The following GABRG2 variants were observed in gnomAD, a reference collection of about 807,000 sequenced individuals.
GABRG2 encodes gamma-aminobutyric acid type A receptor subunit gamma2.
In GABRG2, 16 loss-of-function variants were observed where a neutral mutation model predicts 56.4. The observed-to-expected ratio is 0.28, with a 90% CI of 0.19 to 0.43. GABRG2 has a LOEUF of 0.43. Among genes scored for constraint, GABRG2 ranks in the 20% least tolerant of loss-of-function variants. The pLI, the probability that GABRG2 is intolerant of heterozygous loss-of-function variation, is 1.00. For synonymous variants in GABRG2, 208 were observed against 205.5 expected (o/e 1.01, Z -0.10); for missense variants, 327 against 582.7 (o/e 0.56, Z 4.52).
chr5:162,135,661 G>C (rs1169113786), intron 6 of GABRG2, among the ~76,000 whole-genome samples: 1 of 152,146 alleles, frequency 6.6e-6, no homozygotes, highest in Non-Finnish European at 1.5e-5. Context: ...GATGTAATAA[G>C]AGCTTCTTTC....
At chr5:162,085,733 C>T (rs1760042970) in intron 1 of GABRG2, among the ~76,000 whole-genome samples, 1 of 151,826 alleles carries the variant, frequency 6.6e-6, no homozygotes, top group African/African-American at 2.4e-5. Flanking sequence ...TCCTCCTACC[C>T]TTCACTCTCT....
intron 1 of GABRG2, among the ~76,000 whole-genome samples, chr5:162,086,664 G>A (rs1376223773): frequency 6.6e-6 from 1 of 151,588 alleles, no homozygotes; most frequent in Non-Finnish European, 1.5e-5. Flanking sequence ...AATTTTTCTT[G>A]TCATTAAATT....
chr5:162,081,805 A>T, intron 1 of GABRG2, among the ~76,000 whole-genome samples: 1 of 151,996 alleles, frequency 6.6e-6, no homozygotes, highest in East Asian at 1.9e-4. Flanking sequence ...CGAACTACAT[A>T]GCTAGTATGA....
chr5:162,106,403 A>G (rs1010696962), intron 6 of GABRG2, among the ~76,000 whole-genome samples: 1 of 152,148 alleles, frequency 6.6e-6, no homozygotes, highest in Admixed American at 6.5e-5. Flanking sequence ...GTGACGAGAA[A>G]GGGCTGAATT....
chr5:162,080,710 C>T lies in GABRG2; in HGVS notation c.107+12604C>T, dbSNP rs1312288937. On this transcript the variant is annotated intron_variant, in intron 1 of 9. Coordinates refer to ENST00000639213, the MANE Select transcript of GABRG2 (RefSeq NM_198904.4). ...GGGGAATGGTGAGGGTTGCGTTTTA[C>T]CTGCCAGTTTTCAGTTGCTTGGCAA... Among the ~76,000 whole-genome samples, 3 of 152,090 alleles carry T rather than the reference C, an allele frequency of 2.0e-5. No individual in the cohort carries two copies. The East Asian group carries it at 5.8e-4, about 29-fold the overall frequency.
chr5:162,146,152 G>A (rs1190561782), intron 7 of GABRG2, among the ~76,000 whole-genome samples: 2 of 151,946 alleles, frequency 1.3e-5, no homozygotes, highest in Non-Finnish European at 2.9e-5. Flanking sequence ...GAAGACGCCA[G>A]ACCCATATCA....
At chr5:162,122,120 C>A (rs896764505) in intron 6 of GABRG2, among the ~76,000 whole-genome samples, 2 of 151,810 alleles carry the variant, frequency 1.3e-5, no homozygotes, top group Admixed American at 6.6e-5. Context: ...TTTCTTAATT[C>A]CTCTAGAATA....
intron 9 of GABRG2, 163 bp from the exon 10 acceptor site, chr5:162,152,930 A>G (rs892616932): frequency 1.1e-5 from 9 of 830,684 alleles, no homozygotes; most frequent in African/African-American, 1.7e-5. Flanking sequence ...CAAATGTGCT[A>G]TCTTTCTAAG....
intron 6 of GABRG2, among the ~76,000 whole-genome samples, chr5:162,131,548 A>T (rs919476624): frequency 1.3e-5 from 2 of 151,878 alleles, no homozygotes; most frequent in Non-Finnish European, 2.9e-5. Context: ...GTGGTTCTCA[A>T]ACTTTGGTAG....
At position 162,067,984 on chromosome 5, in the gene GABRG2, GA is replaced by G. The variant is rs771282908; in HGVS notation, c.-4del. ...ACCAAGAGGCAAGAGGCGAGAGAAG[GA>G]AAAAAAAAAAAGCGATGAGTTCGCC... On this transcript the variant is annotated 5_prime_UTR_variant, in exon 1 of 10. Coordinates refer to ENST00000639213, the MANE Select transcript of GABRG2 (RefSeq NM_198904.4). 104,918 of 908,344 alleles carry G rather than the reference GA, an allele frequency of 0.12. 19 individuals are homozygous for G. The highest frequency in any genetic ancestry group is 0.14 in the East Asian group (3,104 of 21,648). 56.3% of individuals were successfully genotyped at this position (908,344 alleles called of 1,614,324 possible). A position where few individuals can be genotyped will look rare whatever the true frequency, so the allele number is the denominator to read the frequency against.
At chr5:162,110,271 A>G (rs1762160815) in intron 6 of GABRG2, among the ~76,000 whole-genome samples, 1 of 152,108 alleles carries the variant, frequency 6.6e-6, no homozygotes. Flanking sequence ...TCTAAAGTAT[A>G]CATATACTGT....
At chr5:162,071,847 T>A (rs907365831) in intron 1 of GABRG2, among the ~76,000 whole-genome samples, 1 of 151,956 alleles carries the variant, frequency 6.6e-6, no homozygotes, top group East Asian at 1.9e-4. Flanking sequence ...TGAGGTAGAC[T>A]GGGTAGACTA....
intron 2 of GABRG2, among the ~76,000 whole-genome samples, 180 bp from the exon 3 acceptor site, chr5:162,095,315 A>G (rs1760917010): frequency 6.6e-6 from 1 of 152,166 alleles, no homozygotes; most frequent in South Asian, 2.1e-4. Context: ...TACTTAAGAA[A>G]GATATTTCTT....
At chr5:162,097,612 TTC>T in intron 3 of GABRG2, 24 bp from the exon 4 acceptor site, 1 of 1,506,764 alleles carries the variant, frequency 6.6e-7, no homozygotes, top group Non-Finnish European at 9.2e-7. Flanking sequence ...TGTACAAATT[TTC>T]TGTTTATCAT....
intron 8 of GABRG2, chr5:162,150,850 T>A (rs1765320687): frequency 6.6e-6 from 1 of 152,218 alleles, no homozygotes; most frequent in African/African-American, 2.4e-5. Context: ...GCTCAAATAT[T>A]TACAATGCTT....
chr5:162,122,609 C>T (rs1044801860), intron 6 of GABRG2, among the ~76,000 whole-genome samples: 1 of 151,496 alleles, frequency 6.6e-6, no homozygotes, highest in African/African-American at 2.4e-5. Flanking sequence ...TGACAGACCA[C>T]CCATTATATT....
chr5:162,149,365 GT>G (rs1561660941), intron 8 of GABRG2, 52 bp downstream of exon 8: 1 of 1,578,482 alleles, frequency 6.3e-7, no homozygotes, highest in African/African-American at 1.3e-5. Flanking sequence ...TTTCGGTTTA[GT>G]TTGTTTTCAT....
At chr5:162,092,935 T>C (rs1187254016) in intron 1 of GABRG2, among the ~76,000 whole-genome samples, 1 of 152,030 alleles carries the variant, frequency 6.6e-6, no homozygotes, top group Non-Finnish European at 1.5e-5. Flanking sequence ...ATCTGGAAAA[T>C]ATCATCATCT....
chr5:162,099,958 T>C (rs1761296333), intron 4 of GABRG2: 1 of 152,166 alleles, frequency 6.6e-6, no homozygotes, highest in African/African-American at 2.4e-5. Context: ...TTTGGAGTAA[T>C]AATACTAATA....
Sources: allele counts gnomAD v4.1 joint callset (sites outside exome capture counted in the v4.1 genomes callset), GRCh38; gene constraint gnomAD v4.1.1; transcripts MANE v1.5; gene names NCBI Gene and HGNC (gene_info 2026-07-23, HGNC 2026-07-21).